Variants in HAP1 observed in about 807,000 individuals in gnomAD.
The protein encoded by HAP1 is huntingtin-associated protein 1.
Under a neutral mutation model 60.3 loss-of-function variants are expected in HAP1, and 59 were observed. The observed-to-expected ratio is 0.98, with a 90% confidence interval of 0.79 to 1.22. HAP1 has a LOEUF of 1.22. Ranked by LOEUF, HAP1 falls within the 50% of genes most tolerant of loss-of-function variation. The pLI, the probability that HAP1 is intolerant of heterozygous loss-of-function variation, is 0.00. For missense variants in HAP1, 825 were observed against 785.3 expected (o/e 1.05, Z -0.60); for synonymous variants, 346 against 330.6 (o/e 1.05, Z -0.50).
chr17:41,732,131 G>T lies in HAP1; in HGVS notation c.715-13C>A. Reference sequence around the variant, plus strand: ...TGAGGTATAAAATCTGGCAGGAAGAGAGAGGAGCCATGGGTTGGGAGTGGG... The same window carrying T: ...TGAGGTATAAAATCTGGCAGGAAGATAGAGGAGCCATGGGTTGGGAGTGGG... On this transcript the variant is annotated splice_polypyrimidine_tract_variant and intron_variant, in intron 3 of 10. Transcript: ENST00000347901. 1 of 1,613,546 alleles carries T rather than the reference G, an allele frequency of 6.2e-7. No homozygotes were observed. The highest frequency in any genetic ancestry group is 8.5e-7 in the Non-Finnish European group (1 of 1,179,564).
chr17:41,726,560 CAAA>C (rs57464420), intron 9 of HAP1, among the ~76,000 whole-genome samples: 1 of 114,108 alleles, frequency 8.8e-6, no homozygotes, highest in Admixed American at 9.3e-5. Context: ...AGACTCGTCT[CAAA>C]AAAAAAAAAA....
chr17:41,726,661 G>C (rs901106439), intron 9 of HAP1, among the ~76,000 whole-genome samples: 1 of 151,488 alleles, frequency 6.6e-6, no homozygotes, highest in African/African-American at 2.4e-5. Context: ...TCAGGAGCTT[G>C]AGACCAGCCT....
rs539143225 is a variant in HAP1 at position 41,723,718 on chromosome 17, T to A, written c.*983A>T. The A allele has an allele frequency of 6.6e-6, 1 of 152,460 alleles. No individual in the cohort carries two copies. The highest frequency in any genetic ancestry group is 1.5e-5 in the Non-Finnish European group (1 of 68,062). The allele number at this position is 152,460 out of a possible 1,614,324, so 9.4% of individuals were successfully genotyped here. On this transcript the variant is annotated 3_prime_UTR_variant, in exon 11 of 11. Coordinates refer to ENST00000347901, the MANE Select transcript of HAP1 (RefSeq NM_177977.3). The stretch of plus-strand genomic sequence containing the variant: ...GGTTCAGTTTATAACCTGCACAAGC[T>A]TACATGACACGCCTGCTGAAGCCAG...
intron 7 of HAP1, 22 bp from the exon 8 acceptor site, chr17:41,727,858 G>A (rs782564090): frequency 1.1e-5 from 17 of 1,494,942 alleles, no homozygotes; most frequent in Admixed American, 8.4e-5. Flanking sequence ...CAAAACCAGT[G>A]AACCCCCATC....
At chr17:41,719,814 T>C (rs1027611775), downstream of HAP1, among the ~76,000 whole-genome samples, 9 of 151,778 alleles carry the variant, frequency 5.9e-5, no homozygotes, top group African/African-American at 2.2e-4. Flanking sequence ...TATTCACTAA[T>C]GAGTATCAAT....
In HAP1 at chr17:41,732,038, A is replaced by C. The variant is rs782393038; in HGVS notation, c.795T>G (p.Asp265Glu). The C allele has an allele frequency of 1.9e-6, 3 of 1,583,812 alleles. No individual in the cohort carries two copies. The African/African-American group carries it at 4.0e-5, about 21-fold the overall frequency. The part of the protein sequence containing the change: ...LYSDSDEEDE[D>E]EEEEEEEKEA... ...CCTTTTCTTCCTCCTCCTCTTCTTC[A>C]TCCTCATCCTCCTCATCAGAATCTG... is the stretch of plus-strand genomic sequence containing the variant. Residue 265 changes from aspartate to glutamate, a missense_variant, in exon 4 of 11, where the codon GAT (aspartate) becomes GAG (glutamate). Asp to Glu is a conservative substitution (Grantham distance 45, BLOSUM62 2). Transcript: ENST00000347901.
At chr17:41,733,513 T>C (rs1196032979) in intron 1 of HAP1, among the ~76,000 whole-genome samples, 1 of 151,704 alleles carries the variant, frequency 6.6e-6, no homozygotes, top group Admixed American at 6.6e-5. Flanking sequence ...CATCACCCCC[T>C]ACCCAGGAGG....
intron 9 of HAP1, 78 bp downstream of exon 9, chr17:41,726,975 A>G (rs368963911): frequency 1.8e-4 from 130 of 725,720 alleles, no homozygotes; most frequent in African/African-American, 1.3e-3. Context: ...GTGGAAGGTC[A>G]GAGTGTGAGG....
chr17:41,732,035 TTCATCC>T lies in HAP1; in HGVS notation c.792_797del (p.Asp265_Glu266del). 1.9e-6 allele frequency: 3 copies of T among 1,582,212 alleles called. No homozygotes were observed. Among genetic ancestry groups the T allele is most frequent in the Non-Finnish European group, 1.7e-6 (2 of 1,150,980 alleles). ...CCTCCTTTTCTTCCTCCTCCTCTTCTTCATCCTCATCCTCCTCATCAGAATCTGAGT... is the reference window on the plus strand; with the variant it reads ...CCTCCTTTTCTTCCTCCTCCTCTTCTTCATCCTCCTCATCAGAATCTGAGT... On this transcript the variant is annotated inframe_deletion, in exon 4 of 11. Coordinates refer to ENST00000347901, the MANE Select transcript of HAP1 (RefSeq NM_177977.3).
chr17:41,730,640 G>A (rs1597745926), intron 6 of HAP1, among the ~76,000 whole-genome samples: 2 of 152,282 alleles, frequency 1.3e-5, no homozygotes, highest in East Asian at 3.9e-4. Context: ...GAACCCAGCA[G>A]GAAGGAAGGT....
Position 41,724,774 on chromosome 17 carries a change from A to G in HAP1, c.1787T>C (p.Leu596Pro), listed in dbSNP as rs781909655. The change falls in exon 11 of 11, where the codon CTC (leucine) becomes CCC (proline). Residue 596 changes from leucine (L) to proline (P), a missense_variant. Physicochemically the swap from Leu to Pro is moderately conservative, Grantham distance 98 (BLOSUM62 -3). Coordinates refer to ENST00000347901, the MANE Select transcript of HAP1 (RefSeq NM_177977.3). ...HYRRQLRWKM[L>P]QKGECPHGAL... ...CCCGTGGGGGCACTCACCTTTCTGG[A>G]GCATCTTCCACCTCAGCTGCCGCCT... 1.2e-6 allele frequency: 2 copies of G among 1,609,998 alleles called. No individual in the cohort carries two copies. Among genetic ancestry groups the G allele is most frequent in the Non-Finnish European group, 1.7e-6 (2 of 1,177,544 alleles).
downstream of HAP1, among the ~76,000 whole-genome samples, chr17:41,718,770 C>T (rs1555586468): frequency 6.6e-6 from 1 of 152,192 alleles, no homozygotes; most frequent in East Asian, 1.9e-4. Context: ...TGTCCTCCCA[C>T]CACAGCAGCA....
chr17:41,726,060 A>T (rs1911603312), intron 9 of HAP1, among the ~76,000 whole-genome samples, 163 bp from the exon 10 acceptor site: 1 of 152,088 alleles, frequency 6.6e-6, no homozygotes, highest in Non-Finnish European at 1.5e-5. Flanking sequence ...ACCTGAGGTC[A>T]GGAGTTCAAG....
chr17:41,728,667 G>A lies in HAP1; in HGVS notation c.1070-336C>T, dbSNP rs571886970. On this transcript the variant is annotated intron_variant, in intron 6 of 10. Transcript: ENST00000347901. ...GCATCACAGCTACAGCACCCAACCC[G>A]ACCTGCAAGGTAAGGAAGGATTCCT... 3.3e-5 allele frequency among the ~76,000 whole-genome samples: 5 copies of A among 152,292 alleles called. No homozygotes were observed. In the East Asian group the frequency reaches 7.7e-4, roughly 24 times the overall value.
downstream of HAP1, chr17:41,721,917 G>C (rs1256828736): frequency 6.7e-6 from 1 of 149,954 alleles, no homozygotes; most frequent in African/African-American, 2.5e-5. Flanking sequence ...CGCTGTTGTT[G>C]CCCAGACTGG....
At chr17:41,730,935 G>C (rs1468230684) in intron 6 of HAP1, among the ~76,000 whole-genome samples, 21 of 150,296 alleles carry the variant, frequency 1.4e-4, no homozygotes, top group Non-Finnish European at 2.2e-4. Context: ...TTTTGAGATG[G>C]AGTCTTGCTC....
At position 41,724,829 on chromosome 17, in the gene HAP1, G is replaced by A; in HGVS notation, c.1732C>T (p.Gln578Ter). 1.2e-6 allele frequency: 2 copies of A among 1,613,274 alleles called. No homozygotes were observed. The highest frequency in any genetic ancestry group is 2.2e-5 in the South Asian group (2 of 91,084). Residue 578 changes from glutamine (Q) to a stop codon, truncating the protein, a stop_gained, in exon 11 of 11, where the codon CAG becomes TAG. Transcript: ENST00000347901. LOFTEE classifies it low-confidence loss of function (END_TRUNC). ...TGGGCATCTTGCCAGTTGGCCAGCT[G>A]CTGGAGGACATAATTCATGTCCAGG... The part of the protein sequence containing the change: ...SHLDMNYVLQ[Q>*]LANWQDAHYR...
chr17:41,733,088 G>T (rs1597750198), intron 1 of HAP1, among the ~76,000 whole-genome samples: 2 of 95,648 alleles, frequency 2.1e-5, no homozygotes, highest in East Asian at 3.8e-4. Flanking sequence ...CCTTGCTCTT[G>T]TCCTCCAGGC....
At chr17:41,728,888 G>A (rs1567782470) in intron 6 of HAP1, among the ~76,000 whole-genome samples, 1 of 152,188 alleles carries the variant, frequency 6.6e-6, no homozygotes, top group Non-Finnish European at 1.5e-5. Context: ...TTTGGCCAAT[G>A]GAAAGCTATT....
Sources: gnomAD v4.1 joint callset for allele counts (sites outside exome capture counted in the v4.1 genomes callset) on GRCh38, gnomAD v4.1.1 for gene constraint, MANE v1.5 for transcripts, NCBI Gene and HGNC (gene_info 2026-07-23, HGNC 2026-07-21) for gene names.